The following LAMA3 variants were observed in gnomAD, a reference collection of about 807,000 sequenced individuals.
LAMA3 encodes the protein laminin subunit alpha-3.
Under a neutral mutation model 402.0 loss-of-function variants are expected in LAMA3, and 281 were observed. The ratio of observed to expected loss-of-function variants is 0.70; its 90% CI spans 0.63 to 0.77. The LOEUF (loss-of-function observed/expected upper bound fraction) is 0.77. Among genes scored for constraint, LAMA3 ranks in the 30% least tolerant of loss-of-function variants. LAMA3 has a pLI of 0.00. For missense variants in LAMA3, 3,840 were observed against 4,215.5 expected (o/e 0.91, Z 2.47); for synonymous variants, 1,431 against 1,558.4 (o/e 0.92, Z 1.93).
intron 27 of LAMA3, among the ~76,000 whole-genome samples, chr18:23,842,014 C>G (rs890846148): frequency 3.9e-5 from 6 of 152,086 alleles, no homozygotes; most frequent in Non-Finnish European, 8.8e-5. Context: ...GCAAACATTA[C>G]ACATTTCTTC....
intron 68 of LAMA3, 116 bp downstream of exon 68, chr18:23,939,502 C>A: frequency 1.8e-6 from 2 of 1,136,794 alleles, no homozygotes; most frequent in South Asian, 1.2e-5. Context: ...GGTGGCACTA[C>A]CATTTTTGTG....
chr18:23,745,173 A>AT (rs139308927), intron 2 of LAMA3, among the ~76,000 whole-genome samples: 37 of 149,030 alleles, frequency 2.5e-4, no homozygotes, highest in South Asian at 1.3e-3. Context: ...AGAATCAAAA[A>AT]TGTGTGTGTG....
chr18:23,839,865 A>T lies in LAMA3; in HGVS notation c.3272A>T (p.His1091Leu). Reference sequence around the variant, plus strand: ...GTTCTAAGTGGCAGGCCTTTCCCTCACCTGCCCCAGCAGTCGTCACCTTCT... The same window carrying T: ...GTTCTAAGTGGCAGGCCTTTCCCTCTCCTGCCCCAGCAGTCGTCACCTTCT... The part of the protein sequence containing the change: ...LDVLSGRPFP[H>L]LPQQSSPSVD... The change falls in exon 27 of 75, where the codon CAC becomes CTC. Residue 1091 changes from histidine (H) to leucine (L), a missense_variant. Coordinates refer to ENST00000313654, the MANE Select transcript of LAMA3 (RefSeq NM_198129.4). This position sits in a 1 kb window ranked among gnomAD's most constrained non-coding sequence, Gnocchi z 4.5. 1 of 1,614,010 alleles carries T rather than the reference A, an allele frequency of 6.2e-7. No individual in the cohort carries two copies. Among genetic ancestry groups the T allele is most frequent in the Non-Finnish European group, 8.5e-7 (1 of 1,179,934 alleles).
Position 23,810,453 on chromosome 18 carries a change from A to T in LAMA3, c.1691A>T (p.Gln564Leu). Residue 564 changes from glutamine to leucine, a missense_variant, in exon 13 of 75, where the codon CAG (glutamine) becomes CTG (leucine). Around this residue, in one of 3 missense-constraint regions of LAMA3, gnomAD observed 2,109 missense variants for 2,376.0 expected, o/e 0.89. Transcript: ENST00000313654. The stretch of plus-strand genomic sequence containing the variant: ...GAATGTCGGCCAGGAGTTACAGGAC[A>T]GCGGTGTGACAGGTGTCTCTCAGGA... Reference protein sequence around the residue: ...QCECRPGVTGQRCDRCLSGAY... With the variant: ...QCECRPGVTGLRCDRCLSGAY... 1 of 1,614,172 alleles carries T rather than the reference A, an allele frequency of 6.2e-7. No homozygotes were observed. Among genetic ancestry groups the T allele is most frequent in the Non-Finnish European group, 8.5e-7 (1 of 1,180,026 alleles).
chr18:23,875,180 T>G (rs2064667330), intron 38 of LAMA3, among the ~76,000 whole-genome samples: 1 of 152,202 alleles, frequency 6.6e-6, no homozygotes, highest in Non-Finnish European at 1.5e-5. Flanking sequence ...GTGATTTGAA[T>G]CTGTGCACTG....
intron 2 of LAMA3, among the ~76,000 whole-genome samples, chr18:23,741,635 T>C (rs187265260): frequency 1.3e-5 from 2 of 152,266 alleles, no homozygotes; most frequent in African/African-American, 4.8e-5. Context: ...AGTAGGGGCA[T>C]TTATAATTTA....
At chr18:23,793,785 A>G (rs2062709360) in intron 12 of LAMA3, among the ~76,000 whole-genome samples, 1 of 152,200 alleles carries the variant, frequency 6.6e-6, no homozygotes, top group Admixed American at 6.5e-5. Flanking sequence ...ACCTAAAGAC[A>G]GTGCCAGATC....
intron 7 of LAMA3, among the ~76,000 whole-genome samples, chr18:23,758,838 G>A (rs2061909017): frequency 1.3e-5 from 2 of 152,104 alleles, no homozygotes; most frequent in South Asian, 2.1e-4. Context: ...TTCATAGGAC[G>A]TGATACTGGA....
At chr18:23,780,888 A>G (rs1021905233) in intron 11 of LAMA3, among the ~76,000 whole-genome samples, 2 of 152,206 alleles carry the variant, frequency 1.3e-5, no homozygotes, top group African/African-American at 4.8e-5. Context: ...GTGATATGAA[A>G]AGGTTGATAT....
Position 23,891,759 on chromosome 18 carries a change from G to A in LAMA3, c.5410+1642G>A, listed in dbSNP as rs74457009. Among the ~76,000 whole-genome samples, 939 of 152,326 alleles carry A rather than the reference G, an allele frequency of 6.2e-3. 14 individuals carry two copies. Among genetic ancestry groups the A allele is most frequent in the African/African-American group, 0.022 (902 of 41,574 alleles). ...AAGGTTGTCATCAGCAGTCAGTGCAGGGTAGGTTAGAGTGTGGTGTGGCCC... is the reference window on the plus strand; with the variant it reads ...AAGGTTGTCATCAGCAGTCAGTGCAAGGTAGGTTAGAGTGTGGTGTGGCCC... On this transcript the variant is annotated intron_variant, in intron 42 of 74. Transcript: ENST00000313654.
intron 2 of LAMA3, among the ~76,000 whole-genome samples, chr18:23,717,149 C>G (rs891881420): frequency 4.6e-5 from 7 of 152,166 alleles, no homozygotes; most frequent in Admixed American, 2.6e-4. Flanking sequence ...TGTGTTGGAG[C>G]ATGACATGTT....
In LAMA3 at chr18:23,903,923, G is replaced by GA. The variant is rs746830734; in HGVS notation, c.6319-4dup. On this transcript the variant is annotated splice_polypyrimidine_tract_variant and intron_variant, in intron 49 of 74. Coordinates refer to ENST00000313654, the MANE Select transcript of LAMA3 (RefSeq NM_198129.4). ...AATTTATACTGTCTTTGTTTATTTG[G>GA]AAAAAATAGGAATATGAAAAATTAG... 6.2e-6 allele frequency: 10 copies of GA among 1,604,944 alleles called. No individual in the cohort carries two copies. The highest frequency in any genetic ancestry group is 8.5e-6 in the Non-Finnish European group (10 of 1,172,628).
chr18:23,846,381 C>T lies in LAMA3; in HGVS notation c.3804C>T (p.Cys1268=). Residue 1268 remains cysteine, a synonymous_variant, in exon 31 of 75, where the codon TGC becomes TGT. Transcript: ENST00000313654. ...FYHKGALPCE[C]HPTGATGPHC... is the part of the protein sequence containing the mutation. ...ACAAGGGCGCCCTGCCTTGTGAGTG[C>T]CACCCCACTGGGGCCACCGGCCCTC... is the stretch of plus-strand genomic sequence containing the variant. 12 of 1,614,180 alleles carry T rather than the reference C, an allele frequency of 7.4e-6. No homozygotes were observed. Among genetic ancestry groups the T allele is most frequent in the Non-Finnish European group, 1.0e-5 (12 of 1,180,032 alleles).
chr18:23,813,553 C>CTTTTTTTTTTTTTTTTTTTTCTTTTCTTT (rs1164123647), intron 14 of LAMA3, among the ~76,000 whole-genome samples: 1 of 115,006 alleles, frequency 8.7e-6, no homozygotes, highest in East Asian at 2.8e-4. Context: ...TCTTTTCTTT[C>CTTTTTTTTTTTTTTTTTTTTCTTTTCTTT]TTTTTTTTTT....
In LAMA3 at chr18:23,898,938, T is replaced by C; in HGVS notation, c.5725-16T>C. Reference sequence around the variant, plus strand: ...ATTGACTTAATTTGCTGCTAATCAATTTATTTTTCATATAGGCTCAAGTAA... The same window carrying C: ...ATTGACTTAATTTGCTGCTAATCAACTTATTTTTCATATAGGCTCAAGTAA... On this transcript the variant is annotated splice_polypyrimidine_tract_variant and intron_variant, in intron 45 of 74. Coordinates refer to ENST00000313654, the MANE Select transcript of LAMA3 (RefSeq NM_198129.4). 6.2e-7 allele frequency: 1 copy of C among 1,607,334 alleles called. No homozygotes were observed.
At chr18:23,942,554 G>A (rs530061805) in intron 68 of LAMA3, among the ~76,000 whole-genome samples, 35 of 150,348 alleles carry the variant, frequency 2.3e-4, no homozygotes, top group Non-Finnish European at 4.7e-4. Flanking sequence ...TAACCATCAT[G>A]CAAATGAATA....
At chr18:23,939,188 T>C in intron 67 of LAMA3, 35 bp from the exon 68 acceptor site, 1 of 1,606,180 alleles carries the variant, frequency 6.2e-7, no homozygotes, top group East Asian at 2.2e-5. Flanking sequence ...CTTCACTCTT[T>C]CCCCTGATAA....
At chr18:23,750,671 A>G (rs1015611846) in intron 4 of LAMA3, among the ~76,000 whole-genome samples, 10 of 152,000 alleles carry the variant, frequency 6.6e-5, no homozygotes, top group Non-Finnish European at 7.4e-5. Context: ...TGAAAACGTA[A>G]TGATAACATC....
chr18:23,780,349 G>C (rs914282996), intron 11 of LAMA3, among the ~76,000 whole-genome samples: 1 of 150,716 alleles, frequency 6.6e-6, no homozygotes, highest in South Asian at 2.1e-4. Flanking sequence ...AGAAGGAAGG[G>C]AGGGAGGGAG....
Sources: gnomAD v4.1 joint callset for allele counts (sites outside exome capture counted in the v4.1 genomes callset) on GRCh38, gnomAD v4.1.1 for gene constraint, gnomAD v4.1.1 regional missense constraint, Gnocchi (gnomAD v3.1) non-coding constraint, MANE v1.5 for transcripts, NCBI Gene and HGNC (gene_info 2026-07-23, HGNC 2026-07-21) for gene names.